KCNH1: variants seen among roughly 807,000 people sequenced by gnomAD.
KCNH1 encodes the protein potassium voltage-gated channel subfamily H member 1.
Under a neutral mutation model 69.2 loss-of-function variants are expected in KCNH1, and 27 were observed. That is an observed-to-expected ratio of 0.39 (90% CI 0.29 to 0.54). The LOEUF (loss-of-function observed/expected upper bound fraction) is 0.54. Among genes scored for constraint, KCNH1 ranks in the 20% least tolerant of loss-of-function variants. KCNH1 has a pLI of 0.68. For synonymous variants in KCNH1, 456 were observed against 487.7 expected (o/e 0.93, Z 0.86); for missense variants, 798 against 1,261.6 (o/e 0.63, Z 5.57).
At chr1:210,809,153 A>G (rs1230634217) in intron 7 of KCNH1, among the ~76,000 whole-genome samples, 2 of 147,338 alleles carry the variant, frequency 1.4e-5, no homozygotes, top group African/African-American at 2.5e-5. Flanking sequence ...AGAAATAGCT[A>G]TATGGAATTT....
At chr1:211,112,878 A>G (rs947893025) in intron 1 of KCNH1, among the ~76,000 whole-genome samples, 3 of 152,202 alleles carry the variant, frequency 2.0e-5, no homozygotes, top group African/African-American at 4.8e-5. Flanking sequence ...TCTATTTTAA[A>G]CCACAAATAA....
At chr1:210,958,644 T>C (rs1688231388) in intron 6 of KCNH1, among the ~76,000 whole-genome samples, 1 of 152,220 alleles carries the variant, frequency 6.6e-6, no homozygotes, top group African/African-American at 2.4e-5. Flanking sequence ...GTCTTCTTGC[T>C]TTACTTCATT....
At chr1:210,896,022 G>A (rs1224417483) in intron 7 of KCNH1, among the ~76,000 whole-genome samples, 1 of 152,084 alleles carries the variant, frequency 6.6e-6, no homozygotes, top group East Asian at 1.9e-4. Context: ...ATCAGAGTAG[G>A]GTATGTGAGA....
intron 9 of KCNH1, among the ~76,000 whole-genome samples, chr1:210,780,633 T>C (rs1683958136): frequency 6.6e-6 from 1 of 152,176 alleles, no homozygotes; most frequent in South Asian, 2.1e-4. Context: ...ATGTCTGAGC[T>C]GCAACCTGAA....
intron 5 of KCNH1, among the ~76,000 whole-genome samples, chr1:211,036,664 C>T (rs1689903854): frequency 6.6e-6 from 1 of 152,136 alleles, no homozygotes; most frequent in Non-Finnish European, 1.5e-5. Context: ...AGAAGCTTTG[C>T]GGAGAAATTA....
At chr1:211,069,128 G>C (rs1690587355) in intron 5 of KCNH1, among the ~76,000 whole-genome samples, 1 of 152,306 alleles carries the variant, frequency 6.6e-6, no homozygotes, top group Admixed American at 6.5e-5. Flanking sequence ...TAACTGATTG[G>C]AGGAAAGGAA....
chr1:210,861,949 C>T (rs914928687), intron 7 of KCNH1: 14 of 761,948 alleles, frequency 1.8e-5, no homozygotes, highest in Admixed American at 8.9e-5. Context: ...GTGATGAATG[C>T]ATGTAGTAAG....
rs1688217081 is a variant in KCNH1, at chr1:210,958,157, C to T, written c.1033-38088G>A. 2.6e-5 allele frequency among the ~76,000 whole-genome samples: 4 copies of T among 152,268 alleles called. No homozygotes were observed. In the South Asian group the frequency reaches 8.3e-4, roughly 32 times the overall value. On this transcript the variant is annotated intron_variant, in intron 6 of 10. Coordinates refer to ENST00000271751, the MANE Select transcript of KCNH1 (RefSeq NM_172362.3). The stretch of plus-strand genomic sequence containing the variant: ...TGCTTGTCTGTAAAGGATTTTATTT[C>T]TCCTTCACTTATGAAACTTAGTTTG...
chr1:210,686,490 G>A (rs1050452455), intron 10 of KCNH1, among the ~76,000 whole-genome samples: 6 of 152,154 alleles, frequency 3.9e-5, no homozygotes, highest in Non-Finnish European at 1.5e-5. Context: ...TTGTAGTAGG[G>A]AGGCCAACTT....
intron 10 of KCNH1, among the ~76,000 whole-genome samples, chr1:210,724,451 A>G (rs1013179541): frequency 1.3e-5 from 2 of 152,178 alleles, no homozygotes; most frequent in African/African-American, 2.4e-5. Flanking sequence ...CAATATTATC[A>G]GTCAAAAAGG....
chr1:210,949,980 T>C (rs1388255256), intron 6 of KCNH1, among the ~76,000 whole-genome samples: 1 of 152,218 alleles, frequency 6.6e-6, no homozygotes, highest in Non-Finnish European at 1.5e-5. Context: ...AAACAGAGTA[T>C]ACTTCTAAAA....
intron 10 of KCNH1, among the ~76,000 whole-genome samples, chr1:210,725,207 G>A (rs1934621): frequency 0.93 from 141,014 of 152,272 alleles, 65,339 homozygotes; most frequent in South Asian, 0.96. Flanking sequence ...CCCATAGCCC[G>A]TAGCTGCACT....
chr1:211,122,591 G>T, intron 1 of KCNH1, among the ~76,000 whole-genome samples: 1 of 152,174 alleles, frequency 6.6e-6, no homozygotes, highest in East Asian at 1.9e-4. Context: ...GCCCATCAAT[G>T]ATAGACTGGA....
At chr1:210,705,679 C>CT (rs775147688) in intron 10 of KCNH1, among the ~76,000 whole-genome samples, 4 of 152,210 alleles carry the variant, frequency 2.6e-5, no homozygotes, top group Non-Finnish European at 5.9e-5. Flanking sequence ...GCTTTCAACT[C>CT]TGAGGTCTCC....
At chr1:211,031,422 C>T (rs1327019956) in intron 5 of KCNH1, among the ~76,000 whole-genome samples, 2 of 152,138 alleles carry the variant, frequency 1.3e-5, no homozygotes, top group Admixed American at 6.5e-5. Flanking sequence ...ATACCAAAGC[C>T]GGACAGAGAC....
intron 5 of KCNH1, among the ~76,000 whole-genome samples, chr1:211,049,186 T>C (rs1690147894): frequency 6.6e-6 from 1 of 152,174 alleles, no homozygotes; most frequent in Non-Finnish European, 1.5e-5. Flanking sequence ...AAGAGAGATG[T>C]GTAAACAAAT....
At chr1:210,840,519 G>A (rs1685385541) in intron 7 of KCNH1, among the ~76,000 whole-genome samples, 1 of 152,196 alleles carries the variant, frequency 6.6e-6, no homozygotes, top group Non-Finnish European at 1.5e-5. Context: ...GGGAACCTGT[G>A]TGAACAGTGT....
At chr1:210,845,216 C>T (rs909179976) in intron 7 of KCNH1, among the ~76,000 whole-genome samples, 1,525 of 152,164 alleles carry the variant, frequency 0.01, 21 homozygotes, top group African/African-American at 0.035. Context: ...GAATCCTCCC[C>T]AACTCATTTT....
chr1:211,019,283 G>C, intron 5 of KCNH1, 27 bp from the exon 6 acceptor site: 1 of 1,455,760 alleles, frequency 6.9e-7, no homozygotes. Flanking sequence ...GACCAAGAGA[G>C]AACTAAGTTA....
Sources: gnomAD v4.1 joint callset for allele counts (sites outside exome capture counted in the v4.1 genomes callset) on GRCh38, gnomAD v4.1.1 for gene constraint, MANE v1.5 for transcripts, NCBI Gene and HGNC (gene_info 2026-07-23, HGNC 2026-07-21) for gene names.